Variants in YEATS4 observed in about 807,000 individuals in gnomAD.
YEATS4 encodes the protein YEATS domain-containing protein 4.
Under a neutral mutation model 30.1 loss-of-function variants are expected in YEATS4, and 17 were observed. The ratio of observed to expected loss-of-function variants is 0.56; its 90% confidence interval spans 0.39 to 0.85. The LOEUF is 0.85. Ranked by LOEUF, YEATS4 falls within the 40% of genes least tolerant of loss-of-function variation. YEATS4 has a pLI of 0.00. For synonymous variants in YEATS4, 85 were observed against 87.5 expected (o/e 0.97, Z 0.16); for missense variants, 142 against 268.3 (o/e 0.53, Z 3.29).
chr12:69,410,618 A>G, the YEATS4 span, among the ~76,000 whole-genome samples: 1 of 152,228 alleles, frequency 6.6e-6, no homozygotes, highest in East Asian at 1.9e-4. Context: ...GTCGATAAGG[A>G]AAAAGATTGA....
intron 6 of YEATS4, among the ~76,000 whole-genome samples, chr12:69,372,432 C>T (rs144983749): frequency 1.3e-5 from 2 of 151,714 alleles, no homozygotes; most frequent in African/African-American, 4.8e-5. Context: ...TTAATTTATT[C>T]ATTCTTTCTA....
At chr12:69,415,027 T>C in the YEATS4 span, among the ~76,000 whole-genome samples, 5 of 152,214 alleles carry the variant, frequency 3.3e-5, no homozygotes, top group African/African-American at 1.2e-4. Context: ...TGCATGCAGA[T>C]GTTCACAAAG....
At position 69,359,983 on chromosome 12, in the gene YEATS4, G is replaced by A. The variant is rs1164056183; in HGVS notation, c.11G>A (p.Arg4Lys). The A allele has an allele frequency of 6.2e-7, 1 of 1,613,614 alleles. No homozygotes were observed. The highest frequency in any genetic ancestry group is 1.1e-5 in the South Asian group (1 of 91,032). Residue 4 changes from arginine (R) to lysine (K), a missense_variant, in exon 1 of 7, where the codon AGA (arginine) becomes AAA (lysine). This residue lies in a region of YEATS4 where 25 missense variants were observed against 35.7 expected (regional missense o/e 0.70). Transcript: ENST00000247843. Reference protein sequence around the residue: MFKRMAEFGPDSGG... With the variant: MFKKMAEFGPDSGG... Reference sequence around the variant, plus strand: ...CTTCCGTGGGACAATATGTTCAAGAGAATGGCCGAATTTGGGCCTGACTCC... The same window carrying A: ...CTTCCGTGGGACAATATGTTCAAGAAAATGGCCGAATTTGGGCCTGACTCC...
At chr12:69,394,085 G>A (rs147055202), downstream of YEATS4, among the ~76,000 whole-genome samples, 84 of 152,238 alleles carry the variant, frequency 5.5e-4, no homozygotes, top group African/African-American at 1.9e-3. Context: ...AAACAAAGGG[G>A]GCAGTTAGGA....
downstream of YEATS4, among the ~76,000 whole-genome samples, chr12:69,395,038 A>G (rs2121105631): frequency 6.6e-6 from 1 of 152,316 alleles, no homozygotes; most frequent in Non-Finnish European, 1.5e-5. Context: ...ACCCTCATAC[A>G]ATGATGGGAT....
At chr12:69,377,720 T>TA (rs1875923488) in intron 6 of YEATS4, among the ~76,000 whole-genome samples, 2 of 151,010 alleles carry the variant, frequency 1.3e-5, no homozygotes, top group South Asian at 4.4e-4. Context: ...ACTTGCTTTT[T>TA]TAAAAAAAAA....
intron 6 of YEATS4, among the ~76,000 whole-genome samples, chr12:69,379,552 C>T (rs1437046868): frequency 6.8e-6 from 1 of 148,098 alleles, no homozygotes; most frequent in African/African-American, 2.5e-5. Flanking sequence ...AGCTGGGACC[C>T]ACAGGCACAT....
intron 4 of YEATS4, among the ~76,000 whole-genome samples, chr12:69,367,612 C>T (rs1216665392): frequency 1.3e-5 from 2 of 152,154 alleles, no homozygotes; most frequent in Non-Finnish European, 2.9e-5. Flanking sequence ...GCATTCCTCT[C>T]GCCTTGCCCT....
At chr12:69,419,887 A>G in the YEATS4 span, among the ~76,000 whole-genome samples, 1 of 152,332 alleles carries the variant, frequency 6.6e-6, no homozygotes, top group African/African-American at 2.4e-5. Context: ...CAAAGGAAGA[A>G]AAAACATGAG....
chr12:69,398,837 T>C, the YEATS4 span, among the ~76,000 whole-genome samples: 3 of 132,492 alleles, frequency 2.3e-5, no homozygotes, highest in East Asian at 2.3e-4. Context: ...AAACGGCAAA[T>C]TGATCTTCAT....
At chr12:69,382,528 A>G (rs1876121260) in intron 6 of YEATS4, among the ~76,000 whole-genome samples, 1 of 152,190 alleles carries the variant, frequency 6.6e-6, no homozygotes, top group African/African-American at 2.4e-5. Context: ...TATTTACTTA[A>G]GGCCCAAGGG....
the YEATS4 span, among the ~76,000 whole-genome samples, chr12:69,403,693 G>C: frequency 6.6e-6 from 1 of 151,998 alleles, no homozygotes; most frequent in African/African-American, 2.4e-5. Flanking sequence ...ACCTGTTCAT[G>C]AATGTGGCAA....
intron 4 of YEATS4, among the ~76,000 whole-genome samples, chr12:69,367,291 G>A (rs1321589599): frequency 6.6e-6 from 1 of 152,094 alleles, no homozygotes; most frequent in Non-Finnish European, 1.5e-5. Flanking sequence ...GTGTTTTCAT[G>A]TGATGAAGTT....
At chr12:69,405,029 C>T in the YEATS4 span, among the ~76,000 whole-genome samples, 1 of 152,188 alleles carries the variant, frequency 6.6e-6, no homozygotes, top group Non-Finnish European at 1.5e-5. Context: ...GAGGAAGATA[C>T]GGCCTTGGAT....
the YEATS4 span, among the ~76,000 whole-genome samples, chr12:69,405,105 A>G: frequency 1.3e-5 from 2 of 152,202 alleles, no homozygotes; most frequent in African/African-American, 4.8e-5. Context: ...AGGGCAGCCC[A>G]TGTACCCAGA....
At chr12:69,417,485 T>A in the YEATS4 span, among the ~76,000 whole-genome samples, 1 of 152,044 alleles carries the variant, frequency 6.6e-6, no homozygotes, top group Non-Finnish European at 1.5e-5. Flanking sequence ...TATCAAGATC[T>A]TGGGTGATTA....
At chr12:69,363,228 C>A (rs1202464177) in intron 2 of YEATS4, among the ~76,000 whole-genome samples, 3 of 151,696 alleles carry the variant, frequency 2.0e-5, no homozygotes, top group African/African-American at 7.3e-5. Context: ...CTCCTGACCT[C>A]GTGATCCACC....
chr12:69,366,526 T>G (rs1006076427), intron 4 of YEATS4, among the ~76,000 whole-genome samples: 1 of 152,228 alleles, frequency 6.6e-6, no homozygotes, highest in African/African-American at 2.4e-5. Flanking sequence ...GTAGAGCTAG[T>G]TTTTGAACCC....
chr12:69,393,186 G>A (rs547969190), downstream of YEATS4, among the ~76,000 whole-genome samples: 3 of 152,226 alleles, frequency 2.0e-5, no homozygotes, highest in Non-Finnish European at 2.9e-5. Flanking sequence ...GGTGGCTCAC[G>A]CCTGTAGTCC....
Sources: gnomAD v4.1 joint callset for allele counts (sites outside exome capture counted in the v4.1 genomes callset) on GRCh38, gnomAD v4.1.1 for gene constraint, gnomAD v4.1.1 regional missense constraint, MANE v1.5 for transcripts, NCBI Gene and HGNC (gene_info 2026-07-23, HGNC 2026-07-21) for gene names.